The following SIPA1L3 variants were observed in gnomAD, a reference collection of about 807,000 sequenced individuals.
The protein encoded by SIPA1L3 is signal induced proliferation associated 1 like 3.
A neutral mutation model predicts 150.1 loss-of-function variants in SIPA1L3; 59 were observed. The ratio of observed to expected loss-of-function variants is 0.39; its 90% CI spans 0.32 to 0.49. The LOEUF (loss-of-function observed/expected upper bound fraction) is 0.49, where lower values mean the gene tolerates loss of function less well. Ranked by LOEUF, SIPA1L3 falls within the 20% of genes least tolerant of loss-of-function variation. The pLI, the probability that SIPA1L3 is intolerant of heterozygous loss-of-function variation, is 0.86. For synonymous variants in SIPA1L3, 1,070 were observed against 1,077.6 expected (o/e 0.99, Z 0.14); for missense variants, 2,211 against 2,489.5 (o/e 0.89, Z 2.38).
At chr19:38,041,018 C>T (rs1159999007) in intron 2 of SIPA1L3, among the ~76,000 whole-genome samples, 1 of 152,080 alleles carries the variant, frequency 6.6e-6, no homozygotes, top group Non-Finnish European at 1.5e-5. Context: ...CCACCTCTGC[C>T]TCCCAAAGTG....
At position 38,082,174 on chromosome 19, in the gene SIPA1L3, G is replaced by A. The variant is rs371141978; in HGVS notation, c.609G>A (p.Gly203=). The A allele has an allele frequency of 1.2e-6, 2 of 1,604,752 alleles. No individual in the cohort carries two copies. The highest frequency in any genetic ancestry group is 2.7e-5 in the African/African-American group (2 of 74,930). The part of the protein sequence containing the change: ...TGALPLFREY[G]STSSIDVQGM... The stretch of plus-strand genomic sequence containing the variant: ...CGCTGCCCCTCTTCCGCGAGTACGG[G>A]AGCACCTCGTCCATCGACGTGCAGG... Residue 203 remains glycine (G), a synonymous_variant, in exon 3 of 22, where the codon GGG becomes GGA. Transcript: ENST00000222345.
At chr19:38,069,958 G>T (rs1245625485) in intron 2 of SIPA1L3, among the ~76,000 whole-genome samples, 1 of 151,520 alleles carries the variant, frequency 6.6e-6, no homozygotes, top group African/African-American at 2.4e-5. Context: ...TTACAGGCAC[G>T]AGCTACCATG....
intron 1 of SIPA1L3, among the ~76,000 whole-genome samples, chr19:38,002,960 G>A (rs1314736776): frequency 1.3e-5 from 2 of 151,542 alleles, no homozygotes; most frequent in Non-Finnish European, 2.9e-5. Flanking sequence ...CCTGGCCAAT[G>A]TGGTGAAACC....
chr19:38,125,379 C>G (rs1427805732), intron 9 of SIPA1L3, among the ~76,000 whole-genome samples: 9 of 152,190 alleles, frequency 5.9e-5, no homozygotes, highest in African/African-American at 2.2e-4. Flanking sequence ...CTCCCCTAAT[C>G]TTGACAGCAG....
chr19:38,156,493 C>A (rs1038541450), intron 13 of SIPA1L3, among the ~76,000 whole-genome samples: 2 of 150,102 alleles, frequency 1.3e-5, no homozygotes, highest in South Asian at 2.1e-4. Flanking sequence ...CGCCGCCATA[C>A]ACACACGCCC....
At chr19:38,072,955 A>G (rs729626) in intron 2 of SIPA1L3, among the ~76,000 whole-genome samples, 23,370 of 152,202 alleles carry the variant, frequency 0.15, 1,887 homozygotes, top group African/African-American at 0.19. Flanking sequence ...ACCCACAGAT[A>G]CATCACTGGT....
At chr19:37,951,695 G>T (rs560909193) in intron 1 of SIPA1L3, among the ~76,000 whole-genome samples, 32 of 151,882 alleles carry the variant, frequency 2.1e-4, no homozygotes, top group Non-Finnish European at 2.8e-4. Flanking sequence ...TCAGGAAATA[G>T]AGACTATCCT....
intron 1 of SIPA1L3, 108 bp from the exon 2 acceptor site, chr19:38,028,980 GT>G (rs1968580207): frequency 6.6e-6 from 1 of 152,142 alleles, no homozygotes; most frequent in Non-Finnish European, 1.5e-5. Flanking sequence ...ACTCAGCCAT[GT>G]TCAGTAAATA....
chr19:38,157,034 C>T (rs928531360), intron 13 of SIPA1L3, among the ~76,000 whole-genome samples: 2 of 151,862 alleles, frequency 1.3e-5, no homozygotes, highest in South Asian at 2.1e-4. Context: ...TGTGGCAGTG[C>T]GCACCTATGG....
rs113192862 is a variant in SIPA1L3, at chr19:38,016,340, G to A, written c.-378-12749G>A. ...TCTAAGGCCAGCTCTATTTTTAGTG[G>A]ACTATATATACGAATCAAAACATAG... On this transcript the variant is annotated intron_variant, in intron 1 of 21. Coordinates refer to ENST00000222345, the MANE Select transcript of SIPA1L3 (RefSeq NM_015073.3). Among the ~76,000 whole-genome samples, 778 of 152,252 alleles carry A rather than the reference G, an allele frequency of 5.1e-3. 13 individuals are homozygous for A. Among genetic ancestry groups the A allele is most frequent in the African/African-American group, 0.018 (758 of 41,544 alleles).
Position 38,122,761 on chromosome 19 carries a change from G to T in SIPA1L3, c.2868+2879G>T, listed in dbSNP as rs1330573658. ...GGTTTCATGCGCATGCTAGGGCGGC[G>T]TCCAGCCTCAGGGCCTTTGTACCAC... On this transcript the variant is annotated intron_variant, in intron 9 of 21. Transcript: ENST00000222345. Among the ~76,000 whole-genome samples the T allele has an allele frequency of 2.6e-5, 4 of 152,168 alleles. No individual in the cohort carries two copies. In the East Asian group the frequency reaches 7.7e-4, roughly 29 times the overall value.
intron 2 of SIPA1L3, among the ~76,000 whole-genome samples, chr19:38,064,084 C>T (rs146905180): frequency 3.9e-4 from 59 of 152,358 alleles, no homozygotes; most frequent in African/African-American, 1.3e-3. Context: ...CATTTGTGCC[C>T]ATACTCCAAG....
chr19:38,066,941 C>T (rs1401429493), intron 2 of SIPA1L3, among the ~76,000 whole-genome samples: 1 of 151,848 alleles, frequency 6.6e-6, no homozygotes, highest in Non-Finnish European at 1.5e-5. Context: ...ACTGATTTAA[C>T]ACCCTTAAAA....
intron 1 of SIPA1L3, among the ~76,000 whole-genome samples, chr19:37,946,975 C>T (rs2046717414): frequency 6.6e-6 from 1 of 151,094 alleles, no homozygotes; most frequent in East Asian, 2.0e-4. Flanking sequence ...CACTTGAGGC[C>T]AAGAGGCCAG....
intron 1 of SIPA1L3, among the ~76,000 whole-genome samples, chr19:37,911,949 G>A (rs1222446552): frequency 1.3e-5 from 2 of 151,964 alleles, no homozygotes; most frequent in African/African-American, 4.8e-5. Context: ...GCCGGTGCCT[G>A]TAGTCCCAGC....
chr19:38,105,409 C>G (rs1231391861), intron 6 of SIPA1L3, among the ~76,000 whole-genome samples: 1 of 151,758 alleles, frequency 6.6e-6, no homozygotes, highest in African/African-American at 2.4e-5. Flanking sequence ...AGCCTGAGTA[C>G]TGGTCCAGAC....
chr19:38,177,100 T>G (rs890097000), intron 15 of SIPA1L3, among the ~76,000 whole-genome samples: 209 of 151,882 alleles, frequency 1.4e-3, no homozygotes, highest in Non-Finnish European at 5.9e-4. Flanking sequence ...GGTGGCTCAC[T>G]CCTGTAATCC....
intron 1 of SIPA1L3, among the ~76,000 whole-genome samples, chr19:37,965,317 G>GTTTTTTTTTTTTTTTTTT (rs566071263): frequency 1.5e-5 from 2 of 133,698 alleles, no homozygotes; most frequent in African/African-American, 5.5e-5. Flanking sequence ...TATATTTCTA[G>GTTTTTTTTTTTTTTTTTT]TTTTTTTTTT....
intron 4 of SIPA1L3, among the ~76,000 whole-genome samples, chr19:38,097,693 A>C (rs1568548281): frequency 6.6e-6 from 1 of 152,186 alleles, no homozygotes; most frequent in Non-Finnish European, 1.5e-5. Flanking sequence ...AGTAGCTGGG[A>C]TTACAGGCAT....
Sources: allele counts gnomAD v4.1 joint callset (sites outside exome capture counted in the v4.1 genomes callset), GRCh38; gene constraint gnomAD v4.1.1; transcripts MANE v1.5; gene names NCBI Gene and HGNC (gene_info 2026-07-23, HGNC 2026-07-21).